SPAST: variants seen among roughly 807,000 people sequenced by gnomAD.
The protein encoded by SPAST is spastic paraplegia 4 (autosomal dominant; spastin).
SPAST carries 30 observed loss-of-function variants against 76.6 expected under a neutral mutation model. That is an observed-to-expected ratio of 0.39 (90% CI 0.29 to 0.53). The LOEUF (loss-of-function observed/expected upper bound fraction) is 0.53. SPAST is among the 20% of genes least tolerant of loss of function. SPAST has a pLI of 0.68. For missense variants in SPAST, 717 were observed against 770.5 expected (o/e 0.93, Z 0.82); for synonymous variants, 305 against 281.0 (o/e 1.09, Z -0.86).
chr2:32,141,484 C>T (rs1679718021), intron 12 of SPAST, among the ~76,000 whole-genome samples: 1 of 152,154 alleles, frequency 6.6e-6, no homozygotes, highest in Non-Finnish European at 1.5e-5. Flanking sequence ...TGTGTGTCTT[C>T]CTTTGTCAGT....
intron 1 of SPAST, 50 bp from the exon 2 acceptor site, chr2:32,087,442 A>G: frequency 8.8e-7 from 1 of 1,142,466 alleles, no homozygotes; most frequent in Non-Finnish European, 1.3e-6. Context: ...GATTTGCAAT[A>G]TTTAGTGTAC....
At chr2:32,148,844 C>T (rs890009848) in intron 16 of SPAST, among the ~76,000 whole-genome samples, 27 of 148,974 alleles carry the variant, frequency 1.8e-4, no homozygotes, top group Non-Finnish European at 3.1e-4. Flanking sequence ...CATGGTGGCA[C>T]GTGCCTGTGG....
At chr2:32,137,321 C>T in intron 12 of SPAST, 133 bp downstream of exon 12, 1 of 767,610 alleles carries the variant, frequency 1.3e-6, no homozygotes, top group Non-Finnish European at 2.3e-6. Context: ...TATCTCTAGC[C>T]TCTTGTTACC....
rs986360875 is a variant in SPAST at position 32,075,799 on chromosome 2, C to A, written c.415+11553C>A. 3.3e-5 allele frequency among the ~76,000 whole-genome samples: 5 copies of A among 150,048 alleles called. No homozygotes were observed. In the East Asian group the frequency reaches 7.9e-4, roughly 24 times the overall value. On this transcript the variant is annotated intron_variant, in intron 1 of 16. Transcript: ENST00000315285. ...GAACTCCTGAGCTCAAGTGATCCCC[C>A]CTCCTTGGCCTCCCAAAGTGCTGGG...
At chr2:32,106,933 T>C (rs2148724275) in intron 4 of SPAST, among the ~76,000 whole-genome samples, 1 of 151,892 alleles carries the variant, frequency 6.6e-6, no homozygotes, top group South Asian at 2.1e-4. Flanking sequence ...CACATATAAA[T>C]AGTTAAGTTT....
rs1399404628 is a variant in SPAST, at chr2:32,156,513, C to T, written c.*2017C>T. On this transcript the variant is annotated 3_prime_UTR_variant, in exon 17 of 17. Transcript: ENST00000315285. ...CATATGTTAGGTGATGGGTAGTATCCCTTTAAGGTCTCAAACATTACAACA... is the reference window on the plus strand; with the variant it reads ...CATATGTTAGGTGATGGGTAGTATCTCTTTAAGGTCTCAAACATTACAACA... The T allele has an allele frequency of 6.6e-6, 1 of 151,442 alleles. No individual in the cohort carries two copies. Among genetic ancestry groups the T allele is most frequent in the Non-Finnish European group, 1.5e-5 (1 of 67,890 alleles). 9.4% of individuals were successfully genotyped at this position (151,442 alleles called of 1,614,324 possible).
At chr2:32,073,220 A>G (rs1676821393) in intron 1 of SPAST, among the ~76,000 whole-genome samples, 1 of 152,144 alleles carries the variant, frequency 6.6e-6, no homozygotes, top group African/African-American at 2.4e-5. Context: ...TTTAGTAGTG[A>G]TGGCGTTTCG....
chr2:32,117,390 A>AGT (rs147617368), intron 7 of SPAST, among the ~76,000 whole-genome samples: 3,509 of 152,226 alleles, frequency 0.023, 115 homozygotes, highest in African/African-American at 0.079. Flanking sequence ...CCGCTCAAAG[A>AGT]GTGTGGTAAA....
chr2:32,113,717 C>A (rs573422144), intron 4 of SPAST, among the ~76,000 whole-genome samples: 1 of 150,668 alleles, frequency 6.6e-6, no homozygotes, highest in Non-Finnish European at 1.5e-5. Flanking sequence ...AGGCCCCCAC[C>A]ACCACGTCTG....
chr2:32,071,285 CGAA>C (rs1313977360), intron 1 of SPAST, among the ~76,000 whole-genome samples: 1 of 152,030 alleles, frequency 6.6e-6, no homozygotes, highest in Non-Finnish European at 1.5e-5. Context: ...GATCAGGCAT[CGAA>C]GACAGAAATT....
chr2:32,064,284 G>T, intron 1 of SPAST, 38 bp downstream of exon 1: 1 of 589,024 alleles, frequency 1.7e-6, no homozygotes, highest in Non-Finnish European at 2.7e-6. Flanking sequence ...GCGGCGCCGG[G>T]AAGAAGGCGG....
rs1680227734 is a variant in SPAST at position 32,155,645 on chromosome 2, T to C, written c.*1149T>C. On this transcript the variant is annotated 3_prime_UTR_variant, in exon 17 of 17. Transcript: ENST00000315285. ...TGATCTGCCTTTTGTTCTCCCAAAA[T>C]GTACAGTAATTCCATTTGTTTGTAT... The C allele has an allele frequency of 6.6e-6, 1 of 152,558 alleles. No individual in the cohort carries two copies. The highest frequency in any genetic ancestry group is 2.4e-5 in the African/African-American group (1 of 41,452). 9.5% of individuals were successfully genotyped at this position (152,558 alleles called of 1,614,324 possible). A position where few individuals can be genotyped will look rare whatever the true frequency, so the allele number is the denominator to read the frequency against.
intron 14 of SPAST, among the ~76,000 whole-genome samples, chr2:32,144,023 A>G (rs1348911228): frequency 6.6e-6 from 1 of 152,176 alleles, no homozygotes; most frequent in African/African-American, 2.4e-5. Context: ...ATAATCTTAA[A>G]CTTTATGAAC....
chr2:32,091,345 A>G (rs1288607236), intron 3 of SPAST, among the ~76,000 whole-genome samples: 2 of 149,070 alleles, frequency 1.3e-5, no homozygotes, highest in Admixed American at 6.7e-5. Flanking sequence ...CAGTGGTGCA[A>G]TCTCGGCTCA....
At chr2:32,122,988 G>T (rs895289881) in intron 7 of SPAST, among the ~76,000 whole-genome samples, 1 of 152,104 alleles carries the variant, frequency 6.6e-6, no homozygotes, top group Non-Finnish European at 1.5e-5. Context: ...ACTGCTGGGT[G>T]CAGTGGCTCA....
intron 5 of SPAST, 88 bp downstream of exon 5, chr2:32,114,913 A>G: frequency 1.1e-6 from 1 of 908,494 alleles, no homozygotes; most frequent in Non-Finnish European, 1.8e-6. Context: ...GATCATAAGT[A>G]CTTTATAATA....
chr2:32,084,624 G>T (rs1479546164), intron 1 of SPAST, among the ~76,000 whole-genome samples: 1 of 151,892 alleles, frequency 6.6e-6, no homozygotes, highest in African/African-American at 2.4e-5. Context: ...GGTGGTTCAT[G>T]CCTGTAATCC....
At chr2:32,124,740 A>T (rs80330546) in intron 7 of SPAST, among the ~76,000 whole-genome samples, 4,939 of 152,292 alleles carry the variant, frequency 0.032, 130 homozygotes, top group East Asian at 0.095. Flanking sequence ...AAGCCACAAA[A>T]ATATATGGAG....
chr2:32,141,782 A>G (rs1015271501), intron 12 of SPAST, 122 bp from the exon 13 acceptor site: 1 of 725,594 alleles, frequency 1.4e-6, no homozygotes, highest in Non-Finnish European at 2.3e-6. Context: ...TTTTACATTG[A>G]TAACTACCAA....
Sources: allele counts gnomAD v4.1 joint callset (sites outside exome capture counted in the v4.1 genomes callset), GRCh38; gene constraint gnomAD v4.1.1; transcripts MANE v1.5; gene names NCBI Gene and HGNC (gene_info 2026-07-23, HGNC 2026-07-21).